The following PTK2B variants were observed in gnomAD, a reference collection of about 807,000 sequenced individuals.
PTK2B encodes protein tyrosine kinase 2 beta, also known as protein-tyrosine kinase 2-beta.
PTK2B carries 71 observed loss-of-function variants against 142.9 expected under a neutral mutation model. The ratio of observed to expected loss-of-function variants is 0.50; its 90% CI spans 0.41 to 0.61. PTK2B has a LOEUF of 0.61. Ranked by LOEUF, PTK2B falls within the 20% of genes least tolerant of loss-of-function variation. The probability of loss-of-function intolerance (pLI) is 0.00; values close to 1 mark genes in which losing one functional copy is unlikely to be tolerated. For synonymous variants in PTK2B, 519 were observed against 503.4 expected, an observed-to-expected ratio of 1.03 and a Z score of -0.42; for missense variants, 1,105 against 1,320.4, an observed-to-expected ratio of 0.84 and a Z score of 2.53.
chr8:27,344,931 G>T (rs886604134), intron 1 of PTK2B, among the ~76,000 whole-genome samples: 1 of 152,182 alleles, frequency 6.6e-6, no homozygotes. Context: ...CCAGCACTTG[G>T]GAGGCCAAGG....
At chr8:27,335,517 A>T (rs1433641995) in intron 1 of PTK2B, among the ~76,000 whole-genome samples, 1 of 151,436 alleles carries the variant, frequency 6.6e-6, no homozygotes, top group African/African-American at 2.4e-5. Context: ...GCTTGAACCC[A>T]GTAGGCGGAG....
chr8:27,444,149 A>G (rs1811324539), intron 22 of PTK2B, 57 bp from the exon 23 acceptor site: 2 of 1,508,926 alleles, frequency 1.3e-6, no homozygotes, highest in East Asian at 4.5e-5. Flanking sequence ...CCCCTTGGTG[A>G]GTTGTGTTCA....
chr8:27,358,493 T>G lies in PTK2B; in HGVS notation c.-38+32812T>G, dbSNP rs546363750. ...CTATTTTATATATCAATATCAACTT[T>G]CACTTAGTAACTGGTTTATATTTTT... On this transcript the variant is annotated intron_variant, in intron 1 of 30. Transcript: ENST00000346049. Among the ~76,000 whole-genome samples the G allele has an allele frequency of 3.3e-5, 5 of 152,324 alleles. No homozygotes were observed. The East Asian group carries it at 9.6e-4, about 29-fold the overall frequency.
chr8:27,320,298 TA>T (rs1320353988), intron 3 of PTK2B, among the ~76,000 whole-genome samples: 1 of 152,174 alleles, frequency 6.6e-6, no homozygotes, highest in Non-Finnish European at 1.5e-5. Flanking sequence ...CGTCTTTAGC[TA>T]AACTAAGGAA....
At chr8:27,424,641 G>A (rs1809964198) in intron 5 of PTK2B, among the ~76,000 whole-genome samples, 1 of 152,182 alleles carries the variant, frequency 6.6e-6, no homozygotes, top group Admixed American at 6.5e-5. Context: ...GTTGAATGCA[G>A]TTATTTGTTA....
intron 1 of PTK2B, among the ~76,000 whole-genome samples, chr8:27,388,678 C>T (rs1178490322): frequency 1.3e-5 from 2 of 152,206 alleles, no homozygotes; most frequent in South Asian, 4.1e-4. Context: ...TCAGTGCCAT[C>T]ATGCTGGTGG....
intron 8 of PTK2B, 33 bp downstream of exon 8, chr8:27,431,049 C>T (rs1810384899): frequency 1.4e-5 from 23 of 1,595,384 alleles, no homozygotes; most frequent in Non-Finnish European, 2.0e-5. Context: ...CTCTCCCTGA[C>T]CTGGATTCCA....
chr8:27,339,720 G>A (rs535587488), intron 1 of PTK2B, among the ~76,000 whole-genome samples: 10 of 152,350 alleles, frequency 6.6e-5, no homozygotes, highest in African/African-American at 2.2e-4. Flanking sequence ...TATGGTTGGA[G>A]TTGGGGATCA....
chr8:27,409,176 C>T (rs961580291), intron 2 of PTK2B, among the ~76,000 whole-genome samples: 5 of 152,182 alleles, frequency 3.3e-5, no homozygotes, highest in Admixed American at 6.5e-5. Context: ...TAAAGTCCTG[C>T]GCTAAGGCAC....
chr8:27,311,238 C>A (rs754408537), upstream of PTK2B: 3 of 1,521,476 alleles, frequency 2.0e-6, no homozygotes, highest in Non-Finnish European at 1.8e-6. Context: ...CGCTCCATGG[C>A]ACGAGCAGCC....
At chr8:27,347,909 C>G (rs1377566959) in intron 1 of PTK2B, among the ~76,000 whole-genome samples, 1 of 152,204 alleles carries the variant, frequency 6.6e-6, no homozygotes, top group African/African-American at 2.4e-5. Flanking sequence ...GCTGCTCTTC[C>G]AAGAAGCTCT....
chr8:27,393,765 C>T (rs73223465), intron 1 of PTK2B, among the ~76,000 whole-genome samples: 8 of 152,132 alleles, frequency 5.3e-5, no homozygotes, highest in Non-Finnish European at 8.8e-5. Flanking sequence ...ACACAAGCAC[C>T]GCTTCCCCCA....
At chr8:27,394,000 A>G (rs971455913) in intron 1 of PTK2B, among the ~76,000 whole-genome samples, 1 of 152,208 alleles carries the variant, frequency 6.6e-6, no homozygotes, top group African/African-American at 2.4e-5. Context: ...ATGCATCATT[A>G]GGCAGTTGTG....
chr8:27,313,927 A>G (rs576669574), intron 3 of PTK2B, among the ~76,000 whole-genome samples: 4 of 152,340 alleles, frequency 2.6e-5, no homozygotes, highest in South Asian at 4.1e-4. Flanking sequence ...TCTCTGGCCC[A>G]TCTGCCAAAT....
At position 27,422,413 on chromosome 8, in the gene PTK2B, G is replaced by A. The variant is rs374228058; in HGVS notation, c.551+30G>A. The A allele has an allele frequency of 6.3e-6, 10 of 1,581,720 alleles. No individual in the cohort carries two copies. In the East Asian group the frequency reaches 1.4e-4, roughly 22 times the overall value. On this transcript the variant is annotated intron_variant, in intron 5 of 30. Transcript: ENST00000346049. Reference sequence around the variant, plus strand: ...GTGGCCCTGAGGCCTCTGCTGGGAGGGCGCTGTGCTGAGCTCTGGGCAGGC... The same window carrying A: ...GTGGCCCTGAGGCCTCTGCTGGGAGAGCGCTGTGCTGAGCTCTGGGCAGGC...
intron 30 of PTK2B, 108 bp from the exon 31 acceptor site, chr8:27,458,186 A>C: frequency 4.5e-6 from 5 of 1,102,388 alleles, no homozygotes; most frequent in Non-Finnish European, 6.6e-6. Context: ...CTTCCAGGGA[A>C]CTTCTGATTG....
chr8:27,326,859 G>T (rs1803448958), intron 1 of PTK2B: 1 of 152,394 alleles, frequency 6.6e-6, no homozygotes, highest in Non-Finnish European at 1.5e-5. Flanking sequence ...CCCACCTGCG[G>T]CCAGGTGCAA....
At chr8:27,322,208 CT>C (rs1803234321), upstream of PTK2B, among the ~76,000 whole-genome samples, 1 of 152,030 alleles carries the variant, frequency 6.6e-6, no homozygotes, top group Non-Finnish European at 1.5e-5. Context: ...CCATACTGTT[CT>C]TTTAAAATAA....
chr8:27,397,789 G>A lies in PTK2B; in HGVS notation c.204+1G>A, dbSNP rs1808152369. 1.2e-6 allele frequency: 2 copies of A among 1,613,896 alleles called. No individual in the cohort carries two copies. Among genetic ancestry groups the A allele is most frequent in the South Asian group, 1.1e-5 (1 of 91,082 alleles). On this transcript the variant is annotated splice_donor_variant, in intron 2 of 30. Transcript: ENST00000346049. LOFTEE classifies it high-confidence loss of function. ...ATGCACTGTCCAGACGGAGATCCGGGTAAGTGTGAAGTGTCTGCCCTGTCC... is the reference window on the plus strand; with the variant it reads ...ATGCACTGTCCAGACGGAGATCCGGATAAGTGTGAAGTGTCTGCCCTGTCC...
Sources: allele counts gnomAD v4.1 joint callset (sites outside exome capture counted in the v4.1 genomes callset), GRCh38; gene constraint gnomAD v4.1.1; transcripts MANE v1.5; gene names NCBI Gene and HGNC (gene_info 2026-07-23, HGNC 2026-07-21).